SLIT3: variants seen among roughly 807,000 people sequenced by gnomAD.
SLIT3 encodes slit guidance ligand 3.
SLIT3 carries 68 observed loss-of-function variants against 184.0 expected under a neutral mutation model. The observed-to-expected ratio is 0.37, with a 90% CI of 0.30 to 0.45. The LOEUF (loss-of-function observed/expected upper bound fraction) is 0.45, where lower values mean the gene tolerates loss of function less well. Ranked by LOEUF, SLIT3 falls within the 20% of genes least tolerant of loss-of-function variation. The pLI is 1.00. For missense variants in SLIT3, 1,707 were observed against 2,026.0 expected (o/e 0.84, Z 3.02); for synonymous variants, 831 against 828.6 (o/e 1.00, Z -0.05).
At chr5:168,970,515 A>AAC (rs1554086206) in intron 4 of SLIT3, among the ~76,000 whole-genome samples, 82 of 151,248 alleles carry the variant, frequency 5.4e-4, no homozygotes, top group African/African-American at 1.7e-3. Context: ...AAAAAAAAAA[A>AAC]CAAAGACAAA....
At chr5:168,673,058 C>T (rs1293087050) in intron 33 of SLIT3, 119 bp downstream of exon 33, 3 of 914,144 alleles carry the variant, frequency 3.3e-6, no homozygotes, top group African/African-American at 3.3e-5. Context: ...TAGAGATCAG[C>T]TTCGTTGTCC....
At chr5:169,175,101 G>A (rs1469561785) in intron 4 of SLIT3, among the ~76,000 whole-genome samples, 1 of 152,166 alleles carries the variant, frequency 6.6e-6, no homozygotes, top group Non-Finnish European at 1.5e-5. Flanking sequence ...GAACAATGAC[G>A]GCAATGATGG....
At chr5:169,241,820 G>A (rs995185954) in intron 3 of SLIT3, among the ~76,000 whole-genome samples, 1 of 152,124 alleles carries the variant, frequency 6.6e-6, no homozygotes, top group African/African-American at 2.4e-5. Context: ...CTCAGCCAGA[G>A]GCATAGGGTA....
chr5:169,028,500 T>G (rs983402016), intron 4 of SLIT3, among the ~76,000 whole-genome samples: 4 of 152,264 alleles, frequency 2.6e-5, no homozygotes, highest in African/African-American at 9.6e-5. Context: ...TTGCAAGGAT[T>G]AAATATAACA....
chr5:168,987,405 C>A (rs1464069859), intron 4 of SLIT3, among the ~76,000 whole-genome samples: 1 of 152,182 alleles, frequency 6.6e-6, no homozygotes, highest in Non-Finnish European at 1.5e-5. Flanking sequence ...GTGGTCCAGA[C>A]CATGAGCTTT....
At chr5:168,690,754 ATGGGGT>A (rs2113246206) in intron 29 of SLIT3, among the ~76,000 whole-genome samples, 1 of 152,192 alleles carries the variant, frequency 6.6e-6, no homozygotes, top group South Asian at 2.1e-4. Flanking sequence ...GTAGATAGGA[ATGGGGT>A]AGACACATGG....
At chr5:169,167,701 G>T (rs1484407288) in intron 4 of SLIT3, among the ~76,000 whole-genome samples, 2 of 152,128 alleles carry the variant, frequency 1.3e-5, no homozygotes, top group Non-Finnish European at 2.9e-5. Context: ...CACTGGTAAG[G>T]AGCAGAGGGT....
rs183594514 is a variant in SLIT3, at chr5:169,132,139, A to G, written c.413+61340T>C. ...GTACCCCACATGTCCAGCACACACTATGCTCTAAGGAATGCCTGTGGACGA... is the reference window on the plus strand; with the variant it reads ...GTACCCCACATGTCCAGCACACACTGTGCTCTAAGGAATGCCTGTGGACGA... On this transcript the variant is annotated intron_variant, in intron 4 of 35. Transcript: ENST00000519560. Among the ~76,000 whole-genome samples, 5 of 152,294 alleles carry G rather than the reference A, an allele frequency of 3.3e-5. No homozygotes were observed. The East Asian group carries it at 9.6e-4, about 29-fold the overall frequency.
At chr5:168,719,628 C>G (rs758428577) in intron 23 of SLIT3, among the ~76,000 whole-genome samples, 1 of 152,162 alleles carries the variant, frequency 6.6e-6, no homozygotes, top group Non-Finnish European at 1.5e-5. Context: ...AAACATTTCC[C>G]CACTGTGGCC....
At chr5:168,959,301 T>G (rs1762933607) in intron 4 of SLIT3, among the ~76,000 whole-genome samples, 1 of 152,202 alleles carries the variant, frequency 6.6e-6, no homozygotes, top group African/African-American at 2.4e-5. Context: ...GCCTGTGCTA[T>G]AGAGAACTTA....
At chr5:168,722,815 G>A in intron 22 of SLIT3, 118 bp downstream of exon 22, 1 of 780,390 alleles carries the variant, frequency 1.3e-6, no homozygotes, top group Non-Finnish European at 2.3e-6. Context: ...TGCTAGGGCA[G>A]CCATAGGCCT....
At chr5:168,677,432 G>A (rs1761449723) in intron 32 of SLIT3, among the ~76,000 whole-genome samples, 1 of 151,714 alleles carries the variant, frequency 6.6e-6, no homozygotes, top group African/African-American at 2.4e-5. Context: ...CACTGCACCC[G>A]GCCTACACTG....
At chr5:168,990,796 A>C (rs540483689) in intron 4 of SLIT3, among the ~76,000 whole-genome samples, 1 of 152,330 alleles carries the variant, frequency 6.6e-6, no homozygotes, top group South Asian at 2.1e-4. Flanking sequence ...GTCAGTCTGC[A>C]AGAACACGCT....
intron 5 of SLIT3, among the ~76,000 whole-genome samples, chr5:168,845,420 C>A (rs934164651): frequency 6.6e-6 from 1 of 152,192 alleles, no homozygotes; most frequent in South Asian, 2.1e-4. Flanking sequence ...GAAGGAATAT[C>A]GTTATTGCCT....
intron 3 of SLIT3, among the ~76,000 whole-genome samples, chr5:169,217,259 CA>C (rs1764469778): frequency 6.6e-6 from 1 of 151,712 alleles, no homozygotes; most frequent in African/African-American, 2.4e-5. Context: ...AGGGTGTAAA[CA>C]AGGAATTCTT....
intron 4 of SLIT3, among the ~76,000 whole-genome samples, chr5:169,029,762 G>A (rs1756955388): frequency 6.6e-6 from 1 of 152,164 alleles, no homozygotes; most frequent in African/African-American, 2.4e-5. Flanking sequence ...TGGGGAGGGA[G>A]GGAAGGAGAG....
At chr5:168,744,827 T>A (rs1265947770) in intron 20 of SLIT3, among the ~76,000 whole-genome samples, 1 of 152,240 alleles carries the variant, frequency 6.6e-6, no homozygotes, top group African/African-American at 2.4e-5. Flanking sequence ...CATGGAGATG[T>A]ACACACAGAT....
At chr5:168,958,462 G>A (rs770693280) in intron 4 of SLIT3, among the ~76,000 whole-genome samples, 1 of 152,206 alleles carries the variant, frequency 6.6e-6, no homozygotes, top group Non-Finnish European at 1.5e-5. Flanking sequence ...ACAGAAACCT[G>A]TGAAAGATGT....
intron 5 of SLIT3, among the ~76,000 whole-genome samples, chr5:168,875,774 AAAAAAAGG>A (rs1265223655): frequency 2.0e-5 from 3 of 151,796 alleles, no homozygotes; most frequent in African/African-American, 7.3e-5. Flanking sequence ...AAGAGGGAGG[AAAAAAAGG>A]AAGAAAGGAA....
Sources: gnomAD v4.1 joint callset for allele counts (sites outside exome capture counted in the v4.1 genomes callset) on GRCh38, gnomAD v4.1.1 for gene constraint, MANE v1.5 for transcripts, NCBI Gene and HGNC (gene_info 2026-07-23, HGNC 2026-07-21) for gene names.